Variants in SCLT1 observed in about 807,000 individuals in gnomAD.
The protein encoded by SCLT1 is sodium channel-associated protein 1.
A neutral mutation model predicts 112.8 loss-of-function variants in SCLT1; 78 were observed. The observed-to-expected ratio is 0.69, with a 90% CI of 0.58 to 0.83. SCLT1 has a LOEUF of 0.83. SCLT1 is among the 40% of genes least tolerant of loss of function. The pLI is 0.00. For synonymous variants in SCLT1, 257 were observed against 254.7 expected (o/e 1.01, Z -0.09); for missense variants, 747 against 770.4 (o/e 0.97, Z 0.36).
At chr4:129,026,101 G>C (rs1207019206) in intron 5 of SCLT1, among the ~76,000 whole-genome samples, 3 of 151,974 alleles carry the variant, frequency 2.0e-5, no homozygotes, top group African/African-American at 7.3e-5. Flanking sequence ...AATAATAATG[G>C]GAGACTTTAA....
intron 5 of SCLT1, among the ~76,000 whole-genome samples, chr4:129,021,681 A>G (rs1342071385): frequency 6.6e-6 from 1 of 152,222 alleles, no homozygotes; most frequent in Non-Finnish European, 1.5e-5. Flanking sequence ...AGGGCCCTAC[A>G]GACAAAATCC....
At chr4:129,078,593 A>T (rs1421274668) in intron 2 of SCLT1, among the ~76,000 whole-genome samples, 1 of 152,138 alleles carries the variant, frequency 6.6e-6, no homozygotes. Context: ...GTGAATGGAT[A>T]GCTTCAAGAC....
intron 2 of SCLT1, among the ~76,000 whole-genome samples, chr4:129,074,787 G>A (rs1439746081): frequency 6.6e-6 from 1 of 152,028 alleles, no homozygotes; most frequent in African/African-American, 2.4e-5. Context: ...CTCCAGCCTC[G>A]AATTTCTGGA....
chr4:128,908,877 C>G (rs1193914655), intron 18 of SCLT1, among the ~76,000 whole-genome samples: 1 of 152,180 alleles, frequency 6.6e-6, no homozygotes, highest in African/African-American at 2.4e-5. Context: ...TCTAGTAGAG[C>G]CTTCCTGCCA....
intron 10 of SCLT1, among the ~76,000 whole-genome samples, chr4:128,966,867 C>A (rs1024472795): frequency 6.6e-6 from 1 of 151,162 alleles, no homozygotes; most frequent in African/African-American, 2.4e-5. Context: ...TCCCTTCCAG[C>A]CTTTATTTTT....
chr4:129,092,501 A>G (rs1339483496), intron 1 of SCLT1, among the ~76,000 whole-genome samples: 1 of 152,220 alleles, frequency 6.6e-6, no homozygotes, highest in African/African-American at 2.4e-5. Flanking sequence ...AATGTATCAG[A>G]TACTATTCTA....
At chr4:129,023,715 C>A (rs1003025645) in intron 5 of SCLT1, among the ~76,000 whole-genome samples, 2 of 152,110 alleles carry the variant, frequency 1.3e-5, no homozygotes, top group Non-Finnish European at 2.9e-5. Flanking sequence ...GCACTGTGTG[C>A]GAGCTGAAGC....
intron 1 of SCLT1, among the ~76,000 whole-genome samples, chr4:129,086,368 A>C (rs1195595962): frequency 1.3e-5 from 2 of 151,868 alleles, no homozygotes; most frequent in East Asian, 3.9e-4. Context: ...GTTTCAATTT[A>C]CTAATATTTT....
intron 8 of SCLT1, among the ~76,000 whole-genome samples, chr4:128,994,682 T>G (rs992481854): frequency 3.3e-5 from 5 of 152,138 alleles, no homozygotes; most frequent in Non-Finnish European, 7.4e-5. Context: ...ACGTGTTGTC[T>G]TTTTTGTTTT....
intron 5 of SCLT1, among the ~76,000 whole-genome samples, chr4:129,024,924 C>T (rs13133890): frequency 0.091 from 13,816 of 151,676 alleles, 690 homozygotes; most frequent in South Asian, 0.15. Context: ...GGAGCCGATG[C>T]GATCAACTGG....
chr4:128,880,832 A>G (rs975032515), downstream of SCLT1, among the ~76,000 whole-genome samples: 3 of 152,254 alleles, frequency 2.0e-5, no homozygotes, highest in South Asian at 4.1e-4. Flanking sequence ...ATGTTTCGCA[A>G]TCTTCTTGGG....
chr4:128,876,121 G>A (rs997926321), intron 4 of SCLT1, among the ~76,000 whole-genome samples: 5 of 152,162 alleles, frequency 3.3e-5, no homozygotes, highest in Non-Finnish European at 2.9e-5. Flanking sequence ...CAAAACTGGT[G>A]TGAATTATGC....
intron 11 of SCLT1, among the ~76,000 whole-genome samples, chr4:128,962,671 C>T (rs973606441): frequency 6.6e-6 from 1 of 152,130 alleles, no homozygotes; most frequent in Non-Finnish European, 1.5e-5. Context: ...TCATGACTCC[C>T]CTAAGACTCA....
chr4:128,875,999 C>G (rs13110956), intron 4 of SCLT1, among the ~76,000 whole-genome samples: 16,762 of 152,124 alleles, frequency 0.11, 1,144 homozygotes, highest in Middle Eastern at 0.22. Context: ...CCTACACTCT[C>G]ATTCTCATTT....
chr4:128,970,299 C>T, intron 10 of SCLT1, 79 bp downstream of exon 10: 2 of 787,764 alleles, frequency 2.5e-6, no homozygotes, highest in Admixed American at 4.1e-5. Context: ...CCCTCTTTAA[C>T]ACCTAATCCA....
At chr4:129,000,213 C>G (rs1743356616) in intron 6 of SCLT1, among the ~76,000 whole-genome samples, 1 of 151,670 alleles carries the variant, frequency 6.6e-6, no homozygotes. Flanking sequence ...CAGAGAAAAA[C>G]AGGAGAAAAT....
At chr4:128,991,307 C>A (rs556778979) in intron 9 of SCLT1, among the ~76,000 whole-genome samples, 2 of 151,588 alleles carry the variant, frequency 1.3e-5, no homozygotes, top group East Asian at 3.9e-4. Context: ...CTATCTCTTG[C>A]CATATACCAA....
chr4:129,024,403 T>C (rs890159549), intron 5 of SCLT1, among the ~76,000 whole-genome samples: 9 of 152,194 alleles, frequency 5.9e-5, no homozygotes, highest in African/African-American at 2.2e-4. Flanking sequence ...AAATCTGCTG[T>C]TCTGCAGCCA....
At chr4:128,936,951 GGGACAAAAATGTTT>G in intron 17 of SCLT1, 100 bp from the exon 18 acceptor site, 1 of 526,768 alleles carries the variant, frequency 1.9e-6, no homozygotes. Context: ...TGTTGTCTGA[GGGACAAAAATGTTT>G]GGATGAGAAA....
Sources: gnomAD v4.1 joint callset for allele counts (sites outside exome capture counted in the v4.1 genomes callset) on GRCh38, gnomAD v4.1.1 for gene constraint, MANE v1.5 for transcripts, NCBI Gene and HGNC (gene_info 2026-07-23, HGNC 2026-07-21) for gene names.